TBC1D22A: variants seen among roughly 807,000 people sequenced by gnomAD.
TBC1D22A encodes the protein putative GTPase activator.
In TBC1D22A, 38 loss-of-function variants were observed where a neutral mutation model predicts 60.2. The observed-to-expected ratio is 0.63, with a 90% confidence interval of 0.49 to 0.83. The LOEUF is 0.83. Ranked by LOEUF, TBC1D22A falls within the 40% of genes least tolerant of loss-of-function variation. The pLI, the probability that TBC1D22A is intolerant of heterozygous loss-of-function variation, is 0.00. For synonymous variants in TBC1D22A, 302 were observed against 281.7 expected (o/e 1.07, Z -0.72); for missense variants, 628 against 701.0 (o/e 0.90, Z 1.18).
intron 4 of TBC1D22A, among the ~76,000 whole-genome samples, chr22:46,798,536 A>G (rs927448275): frequency 2.0e-5 from 3 of 152,240 alleles, no homozygotes; most frequent in Non-Finnish European, 2.9e-5. Flanking sequence ...TGTGGAACGC[A>G]CTTGCTTTCA....
chr22:47,136,429 C>T (rs1325857520), intron 12 of TBC1D22A, among the ~76,000 whole-genome samples: 1 of 152,184 alleles, frequency 6.6e-6, no homozygotes, highest in Non-Finnish European at 1.5e-5. Context: ...AGCTGTAGGA[C>T]GTTGGGAGGA....
At chr22:47,157,076 G>A (rs2067750839) in intron 12 of TBC1D22A, among the ~76,000 whole-genome samples, 1 of 152,244 alleles carries the variant, frequency 6.6e-6, no homozygotes. Context: ...TGCAGGTGAT[G>A]CAGGATGCAG....
At chr22:47,051,169 G>A (rs1337117211) in intron 11 of TBC1D22A, among the ~76,000 whole-genome samples, 1 of 152,168 alleles carries the variant, frequency 6.6e-6, no homozygotes, top group East Asian at 1.9e-4. Context: ...AGCTGAGGGA[G>A]TGGGAGCAGG....
At chr22:46,810,290 C>T (rs921973959) in intron 4 of TBC1D22A, among the ~76,000 whole-genome samples, 23 of 152,222 alleles carry the variant, frequency 1.5e-4, no homozygotes, top group African/African-American at 5.3e-4. Flanking sequence ...CTCCTTCGCT[C>T]CCGACCCTTC....
At chr22:47,105,254 G>T (rs1157974493) in intron 11 of TBC1D22A, among the ~76,000 whole-genome samples, 2 of 151,952 alleles carry the variant, frequency 1.3e-5, no homozygotes, top group Non-Finnish European at 2.9e-5. Flanking sequence ...AAAATAATAG[G>T]GCAGAGCCTC....
chr22:46,894,901 T>A, intron 7 of TBC1D22A, 55 bp downstream of exon 7: 3 of 1,595,654 alleles, frequency 1.9e-6, no homozygotes, highest in Non-Finnish European at 2.6e-6. Flanking sequence ...TGATGCCCAC[T>A]GTGCTAACCA....
intron 8 of TBC1D22A, among the ~76,000 whole-genome samples, chr22:46,941,219 A>ACACACACACACACC: frequency 7.5e-6 from 1 of 134,078 alleles, no homozygotes. Context: ...ACACACACAC[A>ACACACACACACACC]CACACACACA....
At chr22:46,868,059 T>C (rs1430826278) in intron 4 of TBC1D22A, among the ~76,000 whole-genome samples, 6 of 152,250 alleles carry the variant, frequency 3.9e-5, no homozygotes, top group African/African-American at 1.4e-4. Context: ...GCCGTTGCTT[T>C]ACAGCGGGTG....
chr22:46,839,469 T>C (rs2086658942), intron 4 of TBC1D22A, among the ~76,000 whole-genome samples: 1 of 152,178 alleles, frequency 6.6e-6, no homozygotes, highest in Admixed American at 6.5e-5. Context: ...AATGGAAATA[T>C]ATCCCATGTG....
At chr22:46,810,530 G>T (rs1029645480) in intron 4 of TBC1D22A, among the ~76,000 whole-genome samples, 3 of 151,950 alleles carry the variant, frequency 2.0e-5, no homozygotes, top group Non-Finnish European at 4.4e-5. Context: ...TTATTATGAG[G>T]GTCAAAATGG....
chr22:46,781,545 G>A (rs184222786), intron 1 of TBC1D22A, among the ~76,000 whole-genome samples: 1 of 152,272 alleles, frequency 6.6e-6, no homozygotes, highest in East Asian at 1.9e-4. Context: ...CCCCTTACGA[G>A]TGGTGGCATT....
intron 8 of TBC1D22A, among the ~76,000 whole-genome samples, chr22:46,966,199 G>C (rs918422935): frequency 6.6e-6 from 1 of 152,170 alleles, no homozygotes; most frequent in African/African-American, 2.4e-5. Context: ...CTCCAGGCTT[G>C]GTTGGAATGC....
At chr22:47,113,588 T>C (rs2065926361) in intron 12 of TBC1D22A, among the ~76,000 whole-genome samples, 1 of 152,218 alleles carries the variant, frequency 6.6e-6, no homozygotes, top group African/African-American at 2.4e-5. Flanking sequence ...GAGCACATTC[T>C]GGTTGGGGAG....
intron 9 of TBC1D22A, among the ~76,000 whole-genome samples, chr22:46,986,533 A>T (rs570490837): frequency 3.3e-5 from 5 of 152,092 alleles, no homozygotes; most frequent in Admixed American, 2.0e-4. Flanking sequence ...ATTTATTTAG[A>T]TATTCTTTAA....
intron 4 of TBC1D22A, among the ~76,000 whole-genome samples, chr22:46,866,960 G>A (rs1396630502): frequency 6.6e-6 from 1 of 152,198 alleles, no homozygotes; most frequent in Admixed American, 6.5e-5. Context: ...CTTCACAAAC[G>A]TTTTGTATCC....
At chr22:46,808,982 A>T (rs2085270509) in intron 4 of TBC1D22A, among the ~76,000 whole-genome samples, 1 of 152,236 alleles carries the variant, frequency 6.6e-6, no homozygotes, top group South Asian at 2.1e-4. Context: ...AAAGAGAAGA[A>T]GTTCAAGTTT....
intron 4 of TBC1D22A, among the ~76,000 whole-genome samples, chr22:46,847,928 T>G (rs1000420682): frequency 8.2e-6 from 1 of 122,278 alleles, no homozygotes; most frequent in African/African-American, 3.4e-5. Flanking sequence ...GGTGTGTGTG[T>G]GTGTGTGTGT....
chr22:47,104,815 T>TAAGATAA (rs2065567580), intron 11 of TBC1D22A, among the ~76,000 whole-genome samples: 5 of 152,140 alleles, frequency 3.3e-5, no homozygotes, highest in Admixed American at 2.0e-4. Flanking sequence ...CCTGGACATT[T>TAAGATAA]CCTTTCTATT....
intron 1 of TBC1D22A, among the ~76,000 whole-genome samples, chr22:46,764,495 G>A (rs1258424597): frequency 1.3e-5 from 2 of 152,202 alleles, no homozygotes; most frequent in Non-Finnish European, 2.9e-5. Flanking sequence ...CTGCTGTGTG[G>A]AGTTACAGCA....
Sources: allele counts gnomAD v4.1 joint callset (sites outside exome capture counted in the v4.1 genomes callset), GRCh38; gene constraint gnomAD v4.1.1; transcripts MANE v1.5; gene names NCBI Gene and HGNC (gene_info 2026-07-23, HGNC 2026-07-21).